MICAL3: variants seen among roughly 807,000 people sequenced by gnomAD.
The protein encoded by MICAL3 is microtubule associated monooxygenase, calponin and LIM domain containing 3, also known as [F-actin]-monooxygenase MICAL3.
Under a neutral mutation model 207.4 loss-of-function variants are expected in MICAL3, and 62 were observed. That is an observed-to-expected ratio of 0.30 (90% confidence interval 0.24 to 0.37). The LOEUF (loss-of-function observed/expected upper bound fraction) is 0.37. MICAL3 is among the 10% of genes least tolerant of loss of function. MICAL3 has a pLI of 1.00. For missense variants in MICAL3, 2,368 were observed against 2,635.6 expected (o/e 0.90, Z 2.22); for synonymous variants, 1,077 against 1,069.3 (o/e 1.01, Z -0.14).
At chr22:17,846,576 A>G (rs1458784140) in intron 19 of MICAL3, among the ~76,000 whole-genome samples, 1 of 152,108 alleles carries the variant, frequency 6.6e-6, no homozygotes, top group Non-Finnish European at 1.5e-5. Flanking sequence ...TCATCAACTA[A>G]TGGCAGAACC....
chr22:17,860,396 G>A (rs957671015), intron 19 of MICAL3: 9 of 985,356 alleles, frequency 9.1e-6, no homozygotes, highest in African/African-American at 3.5e-5. Context: ...CCTTGGCACA[G>A]CTAATCCTCT....
chr22:17,896,141 G>T (rs1930805807), intron 9 of MICAL3, 105 bp downstream of exon 9: 4 of 607,978 alleles, frequency 6.6e-6, no homozygotes, highest in Non-Finnish European at 8.8e-6. Context: ...CTTTAATTAA[G>T]AAGGCAGAGA....
chr22:17,915,176 C>T (rs1359096841), intron 1 of MICAL3, among the ~76,000 whole-genome samples: 3 of 152,274 alleles, frequency 2.0e-5, no homozygotes, highest in African/African-American at 7.2e-5. Flanking sequence ...AGTGCAGTTA[C>T]TTTTGCCGTT....
At chr22:17,942,646 T>C (rs886948064) in intron 1 of MICAL3, among the ~76,000 whole-genome samples, 2 of 152,212 alleles carry the variant, frequency 1.3e-5, no homozygotes, top group South Asian at 2.1e-4. Context: ...GTAGGGCCAC[T>C]GCGGAAGCCC....
intron 1 of MICAL3, among the ~76,000 whole-genome samples, chr22:17,960,553 G>A (rs146794094): frequency 6.6e-6 from 1 of 152,190 alleles, no homozygotes; most frequent in Admixed American, 6.5e-5. Context: ...AGGAGTGTGT[G>A]TGGGAAGGAG....
intron 16 of MICAL3, among the ~76,000 whole-genome samples, chr22:17,879,033 G>T (rs954646890): frequency 1.3e-5 from 2 of 152,200 alleles, no homozygotes; most frequent in African/African-American, 2.4e-5. Context: ...ATAGTTTGGG[G>T]GTAGAAATAG....
At chr22:17,876,040 A>G (rs906925820) in intron 16 of MICAL3, among the ~76,000 whole-genome samples, 3 of 152,212 alleles carry the variant, frequency 2.0e-5, no homozygotes, top group African/African-American at 4.8e-5. Flanking sequence ...CGCTCCTTCT[A>G]CAGAAGGGCC....
At chr22:17,970,812 T>G (rs1602318636) in intron 1 of MICAL3, among the ~76,000 whole-genome samples, 1 of 152,242 alleles carries the variant, frequency 6.6e-6, no homozygotes, top group Middle Eastern at 3.4e-3. Context: ...CTATTATATT[T>G]ATCTTGTCCT....
At chr22:17,807,686 A>G (rs1399957930) in intron 29 of MICAL3, among the ~76,000 whole-genome samples, 2 of 152,066 alleles carry the variant, frequency 1.3e-5, no homozygotes, top group Non-Finnish European at 2.9e-5. Context: ...CCCACCACAC[A>G]AACTTCAGTC....
At chr22:17,829,079 A>G (rs7287465) in intron 21 of MICAL3, among the ~76,000 whole-genome samples, 74,009 of 151,378 alleles carry the variant, frequency 0.49, 19,475 homozygotes, top group African/African-American at 0.69. Context: ...CCGTATGTGG[A>G]GTATTAGCCC....
intron 1 of MICAL3, among the ~76,000 whole-genome samples, chr22:17,910,108 A>C (rs1438230476): frequency 6.6e-6 from 1 of 151,970 alleles, no homozygotes. Flanking sequence ...GCCACTTTCA[A>C]CTCCTTGCCA....
intron 1 of MICAL3, among the ~76,000 whole-genome samples, chr22:17,911,878 T>C (rs534521144): frequency 1.1e-5 from 1 of 87,994 alleles, no homozygotes; most frequent in East Asian, 2.2e-4. Flanking sequence ...CACTTGATCA[T>C]ATTTTCCCTC....
chr22:17,897,656 A>T (rs559712207), intron 7 of MICAL3, among the ~76,000 whole-genome samples: 7 of 152,274 alleles, frequency 4.6e-5, no homozygotes, highest in African/African-American at 1.7e-4. Flanking sequence ...GGCTTTTGTC[A>T]AATGGGACCA....
intron 1 of MICAL3, among the ~76,000 whole-genome samples, chr22:17,929,760 G>C (rs1336803358): frequency 6.6e-6 from 1 of 151,818 alleles, no homozygotes; most frequent in African/African-American, 2.4e-5. Context: ...GTAGAGACAG[G>C]GTTTCACCTG....
At chr22:17,799,306 C>T (rs538588899) in intron 29 of MICAL3, among the ~76,000 whole-genome samples, 7 of 152,260 alleles carry the variant, frequency 4.6e-5, no homozygotes, top group South Asian at 2.1e-4. Flanking sequence ...TGCTTGAACC[C>T]GGGAGGTGGG....
At position 17,902,790 on chromosome 22, in the gene MICAL3, AGGG is replaced by A; in HGVS notation, c.473-46_473-44del. On this transcript the variant is annotated intron_variant, in intron 3 of 31. Transcript: ENST00000441493. The surrounding 1 kb of genome is among the most constrained non-coding windows in gnomAD (Gnocchi z 4.5). ...TGACGTTGATGGGAACACATGGAGA[AGGG>A]GGTACCCATCCGTGTCGCAGCTCAG... 1 of 1,247,806 alleles carries A rather than the reference AGGG, an allele frequency of 8.0e-7. No homozygotes were observed. 77.3% of individuals were successfully genotyped at this position (1,247,806 alleles called of 1,614,324 possible). A position where few individuals can be genotyped will look rare whatever the true frequency, so the allele number is the denominator to read the frequency against.
rs140603948 is a variant in MICAL3 at position 17,902,126 on chromosome 22, C to T, written c.590-147G>A. On this transcript the variant is annotated intron_variant, in intron 4 of 31. Coordinates refer to ENST00000441493, the MANE Select transcript of MICAL3 (RefSeq NM_015241.3). The surrounding 1 kb of genome is among the most constrained non-coding windows in gnomAD (Gnocchi z 4.5). ...AAGCAGTGGAGACAGAGGCTGTGCA[C>T]GGTGGCTCGTGCCTCTAATCCCAGC... is the stretch of plus-strand genomic sequence containing the variant. 520 of 626,178 alleles carry T rather than the reference C, an allele frequency of 8.3e-4. 3 individuals are homozygous for T. Among genetic ancestry groups the T allele is most frequent in the African/African-American group, 8.2e-3 (449 of 54,922 alleles). 38.8% of individuals were successfully genotyped at this position (626,178 alleles called of 1,614,324 possible).
At chr22:17,912,203 C>T (rs1932188749) in intron 1 of MICAL3, among the ~76,000 whole-genome samples, 1 of 152,036 alleles carries the variant, frequency 6.6e-6, no homozygotes, top group African/African-American at 2.4e-5. Context: ...ATATGTCTGC[C>T]TTTATGTCAG....
chr22:17,869,542 T>C (rs2146158642), intron 17 of MICAL3, among the ~76,000 whole-genome samples: 1 of 152,174 alleles, frequency 6.6e-6, no homozygotes, highest in African/African-American at 2.4e-5. Flanking sequence ...AGCTAATGCT[T>C]TGCAAAAAAA....
Sources: gnomAD v4.1 joint callset for allele counts (sites outside exome capture counted in the v4.1 genomes callset) on GRCh38, gnomAD v4.1.1 for gene constraint, Gnocchi (gnomAD v3.1) non-coding constraint, MANE v1.5 for transcripts, NCBI Gene and HGNC (gene_info 2026-07-23, HGNC 2026-07-21) for gene names.